Variants in PLEKHA5 observed in about 807,000 individuals in gnomAD.
PLEKHA5 encodes pleckstrin homology domain-containing family A member 5.
Under a neutral mutation model 181.9 loss-of-function variants are expected in PLEKHA5, and 55 were observed. That is an observed-to-expected ratio of 0.30 (90% CI 0.24 to 0.38). The LOEUF (loss-of-function observed/expected upper bound fraction) is 0.38. PLEKHA5 is among the 10% of genes least tolerant of loss of function. The probability of loss-of-function intolerance (pLI) is 1.00; values close to 1 mark genes in which losing one functional copy is unlikely to be tolerated. For missense variants in PLEKHA5, 1,432 were observed against 1,549.5 expected (o/e 0.92, Z 1.27); for synonymous variants, 535 against 529.4 (o/e 1.01, Z -0.15).
intron 3 of PLEKHA5, among the ~76,000 whole-genome samples, chr12:19,175,855 A>G (rs143309735): frequency 4.1e-4 from 63 of 152,320 alleles, no homozygotes; most frequent in Non-Finnish European, 7.3e-4. Context: ...CATATTTAGT[A>G]CCAAGATACA....
At chr12:19,288,753 C>A (rs2077767573) in intron 13 of PLEKHA5, among the ~76,000 whole-genome samples, 1 of 152,144 alleles carries the variant, frequency 6.6e-6, no homozygotes, top group African/African-American at 2.4e-5. Context: ...GTTGGCCTGA[C>A]AAATAGTCAT....
chr12:19,169,629 A>G (rs1007440226), intron 3 of PLEKHA5, among the ~76,000 whole-genome samples: 1 of 152,222 alleles, frequency 6.6e-6, no homozygotes, highest in African/African-American at 2.4e-5. Flanking sequence ...TTCAGGAAAT[A>G]TGTGATTGGA....
intron 31 of PLEKHA5, chr12:19,371,945 T>C (rs11044518): frequency 0.9 from 137,290 of 152,234 alleles, 63,067 homozygotes; most frequent in Non-Finnish European, 1. Flanking sequence ...AAAAGTGTTT[T>C]CTTCTCACCA....
chr12:19,272,966 G>A (rs1394622146), intron 10 of PLEKHA5, among the ~76,000 whole-genome samples: 3 of 152,136 alleles, frequency 2.0e-5, no homozygotes, highest in Non-Finnish European at 4.4e-5. Context: ...GAGTGCAGTG[G>A]CACGATCTCA....
chr12:19,278,384 TA>T (rs771135923), intron 11 of PLEKHA5, among the ~76,000 whole-genome samples: 103 of 152,286 alleles, frequency 6.8e-4, no homozygotes, highest in Non-Finnish European at 1.3e-3. Context: ...AACTATAATT[TA>T]GATATTAGTT....
intron 15 of PLEKHA5, among the ~76,000 whole-genome samples, chr12:19,297,195 C>G (rs921005257): frequency 6.6e-6 from 1 of 152,104 alleles, no homozygotes; most frequent in Non-Finnish European, 1.5e-5. Flanking sequence ...CCAACCCCCC[C>G]AGAATTATGA....
intron 20 of PLEKHA5, among the ~76,000 whole-genome samples, chr12:19,327,538 T>A (rs927392845): frequency 2.0e-5 from 3 of 152,064 alleles, no homozygotes; most frequent in African/African-American, 7.2e-5. Context: ...TCTCTCATTC[T>A]GTAGGCTGTT....
chr12:19,354,031 A>G (rs1439939986), intron 26 of PLEKHA5, 29 bp downstream of exon 26: 1 of 1,094,434 alleles, frequency 9.1e-7, no homozygotes. Flanking sequence ...ATCTTCTAGG[A>G]AGATTCTCAC....
chr12:19,364,440 G>A (rs1268729551), intron 29 of PLEKHA5, among the ~76,000 whole-genome samples: 1 of 152,074 alleles, frequency 6.6e-6, no homozygotes, highest in South Asian at 2.1e-4. Flanking sequence ...GAGCCAGGGA[G>A]GCGGAGGTCT....
At chr12:19,280,097 T>C (rs2075726067) in intron 11 of PLEKHA5, among the ~76,000 whole-genome samples, 1 of 128,442 alleles carries the variant, frequency 7.8e-6, no homozygotes, top group Non-Finnish European at 1.6e-5. Context: ...TTGGCCAGGC[T>C]GGAGTACAGT....
chr12:19,221,672 G>C (rs1207542255), intron 3 of PLEKHA5, among the ~76,000 whole-genome samples: 1 of 152,152 alleles, frequency 6.6e-6, no homozygotes, highest in African/African-American at 2.4e-5. Context: ...TGCAGACTAT[G>C]ACAAAGGAGC....
intron 3 of PLEKHA5, among the ~76,000 whole-genome samples, chr12:19,181,891 C>A (rs930316831): frequency 1.3e-5 from 2 of 152,076 alleles, no homozygotes; most frequent in Non-Finnish European, 2.9e-5. Context: ...AACTGCAATT[C>A]GACTACATTC....
chr12:19,231,942 CAA>C (rs2060690118), intron 3 of PLEKHA5, among the ~76,000 whole-genome samples: 1 of 151,818 alleles, frequency 6.6e-6, no homozygotes, highest in South Asian at 2.1e-4. Flanking sequence ...TTCAAGCACC[CAA>C]AGATAGAGTT....
intron 7 of PLEKHA5, among the ~76,000 whole-genome samples, chr12:19,261,971 G>A (rs7965144): frequency 3.3e-5 from 5 of 151,970 alleles, no homozygotes; most frequent in East Asian, 1.9e-4. Context: ...TTAACCAACC[G>A]TATAAAATTG....
chr12:19,314,953 G>T, intron 16 of PLEKHA5, 59 bp downstream of exon 16: 1 of 859,468 alleles, frequency 1.2e-6, no homozygotes, highest in Non-Finnish European at 1.9e-6. Context: ...CTCAGTGACA[G>T]TTTTGATTTA....
chr12:19,327,258 T>TG (rs2092286233), intron 20 of PLEKHA5, among the ~76,000 whole-genome samples: 1 of 151,170 alleles, frequency 6.6e-6, no homozygotes. Context: ...TTTTTTTTTT[T>TG]TTTTTTACTT....
At chr12:19,247,697 G>A (rs943871440) in intron 3 of PLEKHA5, among the ~76,000 whole-genome samples, 25 of 151,398 alleles carry the variant, frequency 1.7e-4, no homozygotes, top group Non-Finnish European at 3.2e-4. Flanking sequence ...AAAAAACAAT[G>A]CCAAGCCCAA....
chr12:19,373,860 C>A (rs2095647892), intron 31 of PLEKHA5, among the ~76,000 whole-genome samples: 1 of 152,118 alleles, frequency 6.6e-6, no homozygotes, highest in East Asian at 1.9e-4. Flanking sequence ...TACACATATC[C>A]TTCCAATAAT....
At chr12:19,158,180 C>A (rs1167143737) in intron 3 of PLEKHA5, among the ~76,000 whole-genome samples, 1 of 151,910 alleles carries the variant, frequency 6.6e-6, no homozygotes, top group Admixed American at 6.6e-5. Context: ...GTGAAACCCC[C>A]ATCTCTACTG....
Sources: allele counts gnomAD v4.1 joint callset (sites outside exome capture counted in the v4.1 genomes callset), GRCh38; gene constraint gnomAD v4.1.1; transcripts MANE v1.5; gene names NCBI Gene and HGNC (gene_info 2026-07-23, HGNC 2026-07-21).